Variants in CCT6B observed in about 807,000 individuals in gnomAD.
The protein encoded by CCT6B is chaperonin containing TCP1 subunit 6B.
Under a neutral mutation model 61.5 loss-of-function variants are expected in CCT6B, and 49 were observed. That is an observed-to-expected ratio of 0.80 (90% CI 0.63 to 1.01). CCT6B has a LOEUF of 1.01. Ranked by LOEUF, CCT6B falls within the 50% of genes least tolerant of loss-of-function variation. The pLI is 0.00. For missense variants in CCT6B, 666 were observed against 634.7 expected, an observed-to-expected ratio of 1.05 and a Z score of -0.53; for synonymous variants, 228 against 214.5, an observed-to-expected ratio of 1.06 and a Z score of -0.55.
chr17:34,943,025 C>A (rs548814662), intron 5 of CCT6B, 119 bp from the exon 6 acceptor site: 7 of 622,218 alleles, frequency 1.1e-5, no homozygotes, highest in Admixed American at 3.2e-5. Flanking sequence ...TTCCTTGTAC[C>A]AATTTTAACA....
chr17:34,939,333 A>G lies in CCT6B; in HGVS notation c.1066-3T>C. The G allele has an allele frequency of 6.2e-7, 1 of 1,605,828 alleles. No homozygotes were observed. Among genetic ancestry groups the G allele is most frequent in the Non-Finnish European group, 8.5e-7 (1 of 1,175,182 alleles). The stretch of plus-strand genomic sequence containing the variant: ...ATAAAAGTGAACTTTTCTTCACCCT[A>G]AAGGGTGGCACAAAAATATATAACT... On this transcript the variant is annotated splice_polypyrimidine_tract_variant and splice_region_variant and intron_variant, in intron 9 of 13. Transcript: ENST00000314144.
At chr17:34,954,301 TTGTC>T (rs1444686761) in intron 4 of CCT6B, 121 bp downstream of exon 4, 36 of 667,810 alleles carry the variant, frequency 5.4e-5, no homozygotes, top group Admixed American at 9.6e-5. Flanking sequence ...TATACAATAA[TTGTC>T]TGTCTTCCAT....
rs151099619 is a variant in CCT6B at position 34,952,694 on chromosome 17, C to T, written c.511-641G>A. 3.3e-5 allele frequency among the ~76,000 whole-genome samples: 5 copies of T among 152,242 alleles called. No homozygotes were observed. The East Asian group carries it at 7.7e-4, about 23-fold the overall frequency. ...ACAATTTAAGAAGCATAGCACAACA[C>T]GTCTTATTGCTTAGCTCAGAAAATG... On this transcript the variant is annotated intron_variant, in intron 4 of 13. Transcript: ENST00000314144.
At chr17:34,928,158 C>G in intron 13 of CCT6B, 41 bp from the exon 14 acceptor site, 5 of 1,344,040 alleles carry the variant, frequency 3.7e-6, no homozygotes, top group Non-Finnish European at 5.2e-6. Context: ...CCTACTAACC[C>G]ACTCTTAGCT....
intron 5 of CCT6B, among the ~76,000 whole-genome samples, chr17:34,948,297 C>T (rs1482556693): frequency 1.3e-5 from 2 of 152,086 alleles, no homozygotes; most frequent in East Asian, 3.8e-4. Flanking sequence ...GGATTAAATG[C>T]TCCTGTTAAT....
Position 34,928,993 on chromosome 17 carries a change from A to G in CCT6B, c.1492T>C (p.Tyr498His). The G allele has an allele frequency of 6.2e-7, 1 of 1,608,762 alleles. No homozygotes were observed. The change falls in exon 13 of 14, where the codon TAT (tyrosine) becomes CAT (histidine). Residue 498 changes from tyrosine (Y) to histidine (H), a missense_variant. Tyr to His is a moderately conservative substitution (Grantham distance 83, BLOSUM62 2). Coordinates refer to ENST00000314144, the MANE Select transcript of CCT6B (RefSeq NM_006584.4). ...VAADAGVWDN[Y>H]CVKKQLLHSC... ...TGAAGAAGTTGTTTTTTTACACAAT[A>G]ATTATCCCAAACTCCTGCATCTGCT... is the stretch of plus-strand genomic sequence containing the variant.
chr17:34,942,417 C>T, intron 7 of CCT6B, 67 bp downstream of exon 7: 1 of 1,328,234 alleles, frequency 7.5e-7, no homozygotes, highest in Non-Finnish European at 1.0e-6. Flanking sequence ...TAGGGGTCCA[C>T]AGACCACACT....
chr17:34,958,241 C>T (rs781525347), intron 3 of CCT6B, among the ~76,000 whole-genome samples: 9 of 152,098 alleles, frequency 5.9e-5, no homozygotes, highest in Admixed American at 1.3e-4. Flanking sequence ...GTCAGGAGCT[C>T]AAGACCAGGC....
intron 3 of CCT6B, among the ~76,000 whole-genome samples, chr17:34,958,243 A>C (rs1199222504): frequency 6.6e-6 from 1 of 152,194 alleles, no homozygotes; most frequent in Non-Finnish European, 1.5e-5. Context: ...CAGGAGCTCA[A>C]GACCAGGCTG....
intron 1 of CCT6B, 82 bp downstream of exon 1, chr17:34,961,175 C>A (rs2090410911): frequency 6.7e-7 from 1 of 1,489,732 alleles, no homozygotes; most frequent in Non-Finnish European, 9.0e-7. Context: ...ATCCACAGCG[C>A]TACGCGGACG....
intron 1 of CCT6B, among the ~76,000 whole-genome samples, chr17:34,959,993 G>T (rs183600030): frequency 6.6e-6 from 1 of 152,182 alleles, no homozygotes; most frequent in Non-Finnish European, 1.5e-5. Context: ...CATTCATTCA[G>T]TCACTCAACT....
At chr17:34,940,510 T>C in intron 8 of CCT6B, 29 bp downstream of exon 8, 1 of 1,200,582 alleles carries the variant, frequency 8.3e-7, no homozygotes, top group South Asian at 1.3e-5. Flanking sequence ...TGTTAAAAAC[T>C]TAGGATATAT....
chr17:34,949,003 C>T (rs954841649), intron 5 of CCT6B, among the ~76,000 whole-genome samples: 1 of 132,830 alleles, frequency 7.5e-6, no homozygotes, highest in Non-Finnish European at 1.6e-5. Flanking sequence ...CCACTGCCCT[C>T]TAGCCTGGGT....
At chr17:34,948,406 A>G (rs745989211) in intron 5 of CCT6B, among the ~76,000 whole-genome samples, 1 of 152,198 alleles carries the variant, frequency 6.6e-6, no homozygotes, top group Non-Finnish European at 1.5e-5. Context: ...AAGATATGAC[A>G]GGCAAATACT....
At chr17:34,948,942 G>A (rs898849971) in intron 5 of CCT6B, among the ~76,000 whole-genome samples, 2 of 151,648 alleles carry the variant, frequency 1.3e-5, no homozygotes, top group South Asian at 2.1e-4. Context: ...GGCTAAGGTG[G>A]GAGGATCACT....
intron 5 of CCT6B, among the ~76,000 whole-genome samples, chr17:34,951,103 T>A (rs979143048): frequency 6.6e-6 from 1 of 152,092 alleles, no homozygotes; most frequent in African/African-American, 2.4e-5. Context: ...CTAAAAGAGA[T>A]ATCACCTAAG....
intron 5 of CCT6B, among the ~76,000 whole-genome samples, chr17:34,950,200 G>GTCCCT (rs1358081446): frequency 1.6e-4 from 24 of 152,262 alleles, no homozygotes; most frequent in Middle Eastern, 3.4e-3. Context: ...AAAACTTGAA[G>GTCCCT]GATGCAGCTG....
At chr17:34,947,584 A>T (rs2090238406) in intron 5 of CCT6B, among the ~76,000 whole-genome samples, 1 of 152,232 alleles carries the variant, frequency 6.6e-6, no homozygotes, top group Non-Finnish European at 1.5e-5. Flanking sequence ...TCAGGCAAAG[A>T]AAAACTGAAA....
chr17:34,960,353 T>A (rs2090398077), intron 1 of CCT6B, among the ~76,000 whole-genome samples: 2 of 152,236 alleles, frequency 1.3e-5, no homozygotes, highest in African/African-American at 4.8e-5. Flanking sequence ...ATATACCATG[T>A]TTTGTTTCGT....
Sources: allele counts gnomAD v4.1 joint callset (sites outside exome capture counted in the v4.1 genomes callset), GRCh38; gene constraint gnomAD v4.1.1; transcripts MANE v1.5; gene names NCBI Gene and HGNC (gene_info 2026-07-23, HGNC 2026-07-21).